LYRM4: variants seen among roughly 807,000 people sequenced by gnomAD.
LYRM4 encodes the protein LYR motif containing 4.
A neutral mutation model predicts 11.7 loss-of-function variants in LYRM4; 9 were observed. That is an observed-to-expected ratio of 0.77 (90% CI 0.46 to 1.34). The LOEUF (loss-of-function observed/expected upper bound fraction) is 1.34, where lower values mean the gene tolerates loss of function less well. Among genes scored for constraint, LYRM4 ranks in the 40% most tolerant of loss-of-function variants. LYRM4 has a pLI of 0.00. For missense variants in LYRM4, 133 were observed against 112.5 expected (o/e 1.18, Z -0.82); for synonymous variants, 42 against 40.4 (o/e 1.04, Z -0.15).
intron 1 of LYRM4, 129 bp from the exon 2 acceptor site, chr6:5,216,867 CTTTGCTCG>C: frequency 8.7e-7 from 1 of 1,148,672 alleles, no homozygotes. Flanking sequence ...CCACTTTGAT[CTTTGCTCG>C]TGGCGCAGGC....
chr6:5,051,216 G>A, the LYRM4 span, among the ~76,000 whole-genome samples: 1 of 152,156 alleles, frequency 6.6e-6, no homozygotes, highest in Non-Finnish European at 1.5e-5. Context: ...ACATTGTTGA[G>A]GTTCCAGAAG....
intron 2 of LYRM4, among the ~76,000 whole-genome samples, chr6:5,129,900 G>A (rs1763870993): frequency 6.6e-6 from 1 of 152,234 alleles, no homozygotes; most frequent in Non-Finnish European, 1.5e-5. Flanking sequence ...AGAGAGATTC[G>A]TGCTGAGGTG....
intron 1 of LYRM4, among the ~76,000 whole-genome samples, chr6:5,251,906 C>T (rs539885256): frequency 1.3e-5 from 2 of 152,242 alleles, no homozygotes; most frequent in East Asian, 1.9e-4. Flanking sequence ...CTCAGCTTGC[C>T]AATAAATCTG....
At chr6:5,172,461 A>G (rs1296118300) in intron 2 of LYRM4, among the ~76,000 whole-genome samples, 5 of 152,134 alleles carry the variant, frequency 3.3e-5, no homozygotes, top group African/African-American at 1.2e-4. Flanking sequence ...CTTTGATGCT[A>G]GCGTCACTAA....
the LYRM4 span, among the ~76,000 whole-genome samples, chr6:5,040,342 T>TAGATAGATAGAC: frequency 7.0e-6 from 1 of 143,266 alleles, no homozygotes; most frequent in Admixed American, 7.2e-5. Flanking sequence ...GATAGATAGA[T>TAGATAGATAGAC]AGATAGATAG....
the LYRM4 span, chr6:5,032,134 A>G: frequency 6.6e-6 from 1 of 152,240 alleles, no homozygotes; most frequent in Non-Finnish European, 1.5e-5. Context: ...CAATATCATC[A>G]AGTATTTAAT....
the LYRM4 span, among the ~76,000 whole-genome samples, chr6:5,091,638 T>C: frequency 6.6e-6 from 1 of 152,242 alleles, no homozygotes; most frequent in Non-Finnish European, 1.5e-5. Context: ...TAAATGAAGA[T>C]GTTTGAGATG....
the LYRM4 span, chr6:5,065,752 T>C: frequency 4.0e-6 from 1 of 251,542 alleles, no homozygotes; most frequent in South Asian, 9.2e-5. Flanking sequence ...TGTCATGGTT[T>C]CCAAATAAAT....
intron 2 of LYRM4, among the ~76,000 whole-genome samples, chr6:5,164,223 AATTCCATTCCT>A (rs1254550565): frequency 6.6e-6 from 1 of 152,224 alleles, no homozygotes; most frequent in Non-Finnish European, 1.5e-5. Flanking sequence ...ATGATCTAGC[AATTCCATTCCT>A]AGAATGACAG....
rs1055415 is a variant in LYRM4 at position 5,186,666 on chromosome 6, G to T, written c.207+29952C>A. On this transcript the variant is annotated intron_variant, in intron 2 of 2. Coordinates refer to ENST00000330636, the MANE Select transcript of LYRM4 (RefSeq NM_020408.6). ...GCATGACACAAAATTCAAAGACAAT[G>T]AAGTGAAATGTAACTACATAAAAAT... 0.25 allele frequency: 249,829 copies of T among 981,958 alleles called. 32,801 individuals carry two copies. The highest frequency in any genetic ancestry group is 0.39 in the African/African-American group (22,533 of 57,126). The allele number at this position is 981,958 out of a possible 1,614,324, so 60.8% of individuals were successfully genotyped here.
chr6:5,142,565 A>G (rs1757465265), intron 2 of LYRM4, among the ~76,000 whole-genome samples: 1 of 152,202 alleles, frequency 6.6e-6, no homozygotes, highest in Non-Finnish European at 1.5e-5. Context: ...ACTGTGCAGC[A>G]ATAACTGATA....
At chr6:5,252,617 C>T (rs1328124539) in intron 1 of LYRM4, among the ~76,000 whole-genome samples, 1 of 152,168 alleles carries the variant, frequency 6.6e-6, no homozygotes, top group Non-Finnish European at 1.5e-5. Flanking sequence ...TGTCTTTTCA[C>T]TAGAGATGCT....
the LYRM4 span, among the ~76,000 whole-genome samples, chr6:5,095,592 A>G: frequency 2.6e-5 from 4 of 152,244 alleles, no homozygotes; most frequent in Non-Finnish European, 5.9e-5. Flanking sequence ...GTTACAGTTC[A>G]CTATGTACAG....
At chr6:5,245,532 G>A (rs921592234) in intron 1 of LYRM4, among the ~76,000 whole-genome samples, 6 of 152,062 alleles carry the variant, frequency 3.9e-5, no homozygotes, top group African/African-American at 1.4e-4. Flanking sequence ...CTTTGCATAC[G>A]GTGTCTGGAA....
intron 2 of LYRM4, among the ~76,000 whole-genome samples, chr6:5,125,027 T>A (rs1413689785): frequency 2.0e-5 from 3 of 152,186 alleles, no homozygotes. Context: ...CCTCGTCTCC[T>A]AGTGAAACTA....
Position 5,205,643 on chromosome 6 carries a change from T to A in LYRM4, c.207+10975A>T, listed in dbSNP as rs528746599. ...ACAGACAGCAGTGAGCTTCAAATAA[T>A]AGCTGATACTTATTTTTTAAAAAAC... On this transcript the variant is annotated intron_variant, in intron 2 of 2. Coordinates refer to ENST00000330636, the MANE Select transcript of LYRM4 (RefSeq NM_020408.6). Among the ~76,000 whole-genome samples the A allele has an allele frequency of 2.0e-5, 3 of 152,220 alleles. 1 individual carries two copies. Among genetic ancestry groups the A allele is most frequent in the Non-Finnish European group, 4.4e-5 (3 of 68,036 alleles).
At chr6:5,239,566 AAGG>A (rs1446792323) in intron 1 of LYRM4, among the ~76,000 whole-genome samples, 1 of 152,054 alleles carries the variant, frequency 6.6e-6, no homozygotes, top group Non-Finnish European at 1.5e-5. Flanking sequence ...AGGAGCAGAC[AAGG>A]AGAAGGTGGT....
rs202040504 is a variant in LYRM4, at chr6:5,165,548, A to T, written c.207+51070T>A. 4.7e-4 allele frequency among the ~76,000 whole-genome samples: 62 copies of T among 132,892 alleles called. 1 individual carries two copies. The East Asian group carries it at 8.0e-3, about 17-fold the overall frequency. The allele number at this position is 132,892 out of a possible 152,430, so 87.2% of individuals were successfully genotyped here. ...AGTTTATTTTTTTTTCCTATTTTTAATTTTTTTTTTTTGAGACAGAATCTC... is the reference window on the plus strand; with the variant it reads ...AGTTTATTTTTTTTTCCTATTTTTATTTTTTTTTTTTTGAGACAGAATCTC... On this transcript the variant is annotated intron_variant, in intron 2 of 2. Coordinates refer to ENST00000330636, the MANE Select transcript of LYRM4 (RefSeq NM_020408.6).
intron 2 of LYRM4, among the ~76,000 whole-genome samples, chr6:5,175,786 C>T (rs1166772681): frequency 6.6e-6 from 1 of 152,204 alleles, no homozygotes; most frequent in East Asian, 1.9e-4. Flanking sequence ...TCCTCCAGAA[C>T]ACTCTCCTCT....
Sources: allele counts gnomAD v4.1 joint callset (sites outside exome capture counted in the v4.1 genomes callset), GRCh38; gene constraint gnomAD v4.1.1; transcripts MANE v1.5; gene names NCBI Gene and HGNC (gene_info 2026-07-23, HGNC 2026-07-21).